CATSPERT: variants seen among roughly 807,000 people sequenced by gnomAD.
CATSPERT encodes the protein catsper channel auxiliary subunit tau.
chr2:201,515,967 T>G, the CATSPERT span, among the ~76,000 whole-genome samples: 1 of 152,244 alleles, frequency 6.6e-6, no homozygotes, highest in African/African-American at 2.4e-5. Flanking sequence ...CATGTGCCAA[T>G]TAACAATGTG....
the CATSPERT span, chr2:201,601,824 C>A: frequency 6.2e-7 from 1 of 1,610,192 alleles, no homozygotes; most frequent in Non-Finnish European, 8.5e-7. Flanking sequence ...CATTTTTGTA[C>A]ATTTCACAGC....
chr2:201,592,598 A>C, the CATSPERT span, among the ~76,000 whole-genome samples: 3 of 151,018 alleles, frequency 2.0e-5, no homozygotes, highest in African/African-American at 7.3e-5. Context: ...TCGGCTGTGA[A>C]TCCATCTGGT....
chr2:201,601,547 T>G, the CATSPERT span, among the ~76,000 whole-genome samples: 1 of 152,110 alleles, frequency 6.6e-6, no homozygotes, highest in Non-Finnish European at 1.5e-5. Context: ...CATTTCGCAG[T>G]AAAATTGTTT....
At chr2:201,516,574 G>C in the CATSPERT span, among the ~76,000 whole-genome samples, 30 of 152,084 alleles carry the variant, frequency 2.0e-4, no homozygotes, top group Non-Finnish European at 4.3e-4. Flanking sequence ...GATGAGATTT[G>C]GGTGGGGGCA....
chr2:201,587,429 T>G, the CATSPERT span, among the ~76,000 whole-genome samples: 1 of 152,104 alleles, frequency 6.6e-6, no homozygotes, highest in Non-Finnish European at 1.5e-5. Flanking sequence ...CACCATCTTT[T>G]TGAAGTATAT....
chr2:201,552,350 G>A, the CATSPERT span, among the ~76,000 whole-genome samples: 1 of 152,178 alleles, frequency 6.6e-6, no homozygotes, highest in African/African-American at 2.4e-5. Flanking sequence ...TGCCACTAGT[G>A]ATGCTAGAAG....
chr2:201,553,006 T>C, the CATSPERT span: 4 of 152,242 alleles, frequency 2.6e-5, no homozygotes, highest in Non-Finnish European at 5.9e-5. Context: ...CTAACTAATA[T>C]ATTAACCGTC....
chr2:201,546,527 T>C, the CATSPERT span, among the ~76,000 whole-genome samples: 3 of 152,224 alleles, frequency 2.0e-5, no homozygotes, highest in East Asian at 5.8e-4. Flanking sequence ...AGTAAACACA[T>C]GAAAGATGTT....
At chr2:201,614,533 C>A in the CATSPERT span, among the ~76,000 whole-genome samples, 1 of 152,270 alleles carries the variant, frequency 6.6e-6, no homozygotes, top group South Asian at 2.1e-4. Flanking sequence ...ACCACCAGGC[C>A]TGCATTAGAA....
At chr2:201,518,949 T>C in the CATSPERT span, among the ~76,000 whole-genome samples, 1 of 152,196 alleles carries the variant, frequency 6.6e-6, no homozygotes, top group South Asian at 2.1e-4. Flanking sequence ...TCTTTACACA[T>C]GACTCTTCCA....
chr2:201,619,151 G>A, the CATSPERT span: 1 of 1,612,266 alleles, frequency 6.2e-7, no homozygotes, highest in Non-Finnish European at 8.5e-7. Context: ...TCTGCGGCCT[G>A]TCTGCGCCCA....
the CATSPERT span, among the ~76,000 whole-genome samples, chr2:201,610,790 T>G: frequency 6.6e-6 from 1 of 152,208 alleles, no homozygotes; most frequent in Non-Finnish European, 1.5e-5. Context: ...ATATGGGATT[T>G]ATCCCAGTGA....
chr2:201,524,794 C>T, the CATSPERT span, among the ~76,000 whole-genome samples: 2 of 152,086 alleles, frequency 1.3e-5, no homozygotes, highest in African/African-American at 4.8e-5. Context: ...GCAAACAAAA[C>T]AAAAGAGAAC....
At chr2:201,565,674 C>T in the CATSPERT span, 4 of 1,473,594 alleles carry the variant, frequency 2.7e-6, no homozygotes, top group Non-Finnish European at 3.6e-6. Context: ...ATACAAATAA[C>T]ACCTAAGATG....
At chr2:201,513,281 T>A in the CATSPERT span, among the ~76,000 whole-genome samples, 2 of 151,866 alleles carry the variant, frequency 1.3e-5, no homozygotes, top group Admixed American at 1.3e-4. Context: ...AAGACATGAA[T>A]AGACACTTCT....
At chr2:201,555,296 C>T in the CATSPERT span, 13 of 152,336 alleles carry the variant, frequency 8.5e-5, no homozygotes, top group Middle Eastern at 3.4e-3. Context: ...GGATGGATCA[C>T]TTGAGGCCAG....
At chr2:201,534,789 T>A in the CATSPERT span, 1 of 929,030 alleles carries the variant, frequency 1.1e-6, no homozygotes, top group Non-Finnish European at 1.3e-6. Context: ...AAGTGTTAAT[T>A]TCAAACTTAA....
At chr2:201,493,404 T>C in the CATSPERT span, 3 of 1,536,946 alleles carry the variant, frequency 2.0e-6, no homozygotes, top group Admixed American at 2.0e-5. Context: ...CGCTTCTGAT[T>C]TCTGAATAAT....
the CATSPERT span, chr2:201,491,535 T>G: frequency 2.0e-6 from 3 of 1,536,470 alleles, no homozygotes; most frequent in Admixed American, 2.0e-5. Flanking sequence ...TGTTATTATT[T>G]CCTTTCAATG....
Sources: allele counts gnomAD v4.1 joint callset (sites outside exome capture counted in the v4.1 genomes callset), GRCh38; gene constraint gnomAD v4.1.1; transcripts MANE v1.5; gene names NCBI Gene and HGNC (gene_info 2026-07-23, HGNC 2026-07-21).